Variants in SLC43A2 observed in about 807,000 individuals in gnomAD.
SLC43A2 encodes solute carrier family 43 member 2.
SLC43A2 carries 38 observed loss-of-function variants against 63.2 expected under a neutral mutation model. The observed-to-expected ratio is 0.60, with a 90% confidence interval of 0.46 to 0.79. The LOEUF (loss-of-function observed/expected upper bound fraction) is 0.79, where lower values mean the gene tolerates loss of function less well. SLC43A2 is among the 30% of genes least tolerant of loss of function. The pLI, the probability that SLC43A2 is intolerant of heterozygous loss-of-function variation, is 0.00. For missense variants in SLC43A2, 644 were observed against 756.2 expected, an observed-to-expected ratio of 0.85 and a Z score of 1.74; for synonymous variants, 322 against 331.0, an observed-to-expected ratio of 0.97 and a Z score of 0.30.
chr17:1,586,928 T>TTCCCCCCC, intron 9 of SLC43A2: 5 of 1,232,912 alleles, frequency 4.1e-6, no homozygotes, highest in Admixed American at 2.2e-5. Context: ...TCCCTGACAA[T>TTCCCCCCC]CCCCCCCACC....
Position 1,591,704 on chromosome 17 carries a change from C to T in SLC43A2, c.595-5G>A. On this transcript the variant is annotated splice_region_variant and splice_polypyrimidine_tract_variant and intron_variant, in intron 6 of 13. Transcript: ENST00000301335. ...GACACCAGCATCATAGATGAGCTGA[C>T]AGGCACCGCGGGGACGGGGTGGGGG... The T allele has an allele frequency of 1.4e-6, 2 of 1,428,070 alleles. No homozygotes were observed. The highest frequency in any genetic ancestry group is 2.7e-5 in the South Asian group (2 of 74,544). 88.5% of individuals were successfully genotyped at this position (1,428,070 alleles called of 1,614,324 possible).
chr17:1,593,048 C>G lies in SLC43A2; in HGVS notation c.594+139G>C. On this transcript the variant is annotated intron_variant, in intron 6 of 13. Transcript: ENST00000301335. This position sits in a 1 kb window ranked among gnomAD's most constrained non-coding sequence, Gnocchi z 5.3. The stretch of plus-strand genomic sequence containing the variant: ...GTTTTCATTTGTCGCCCCTGTGATG[C>G]CCAGGTGCATCCTGCCCGGGTGGGG... 1.4e-6 allele frequency: 1 copy of G among 738,648 alleles called. No individual in the cohort carries two copies. Among genetic ancestry groups the G allele is most frequent in the Non-Finnish European group, 2.3e-6 (1 of 435,240 alleles). The allele number at this position is 738,648 out of a possible 1,614,324, so 45.8% of individuals were successfully genotyped here.
In SLC43A2 at chr17:1,585,946, G is replaced by T. The variant is rs529170281; in HGVS notation, c.1184C>A (p.Ala395Asp). Residue 395 changes from alanine (A) to aspartate (D), a missense_variant, in exon 10 of 14, where the codon GCC (alanine) becomes GAC (aspartate). Transcript: ENST00000301335. ...MDWRLKECEDASEEPEEKDAN... is the reference protein window; with the variant it reads ...MDWRLKECEDDSEEPEEKDAN... ...GTCTTTCTCCTCGGGCTCCTCGGAG[G>T]CGTCTTCACACTCCTTCAGCCTCCA... The T allele has an allele frequency of 1.7e-5, 27 of 1,613,704 alleles. No individual in the cohort carries two copies. The Admixed American group carries it at 3.0e-4, about 18-fold the overall frequency.
At chr17:1,629,295 G>A (rs1036689267), upstream of SLC43A2, among the ~76,000 whole-genome samples, 2 of 151,918 alleles carry the variant, frequency 1.3e-5, no homozygotes, top group Non-Finnish European at 2.9e-5. Context: ...GGCTCCGCAC[G>A]GTGGTTCCAC....
chr17:1,600,112 T>A (rs1444819351), intron 5 of SLC43A2, among the ~76,000 whole-genome samples: 2 of 134,126 alleles, frequency 1.5e-5, no homozygotes, highest in Non-Finnish European at 1.6e-5. Context: ...TTTTTTTTTT[T>A]ACAGTAAGCT....
Position 1,569,300 on chromosome 17 carries a change from T to G in SLC43A2, c.*6304A>C, listed in dbSNP as rs988350507. ...CAGCATACATTTATTGAGTGCTCACTGTGTGCCAGGAAGTAAGCCAGGTGC... is the reference window on the plus strand; with the variant it reads ...CAGCATACATTTATTGAGTGCTCACGGTGTGCCAGGAAGTAAGCCAGGTGC... On this transcript the variant is annotated 3_prime_UTR_variant, in exon 14 of 14. Transcript: ENST00000301335. 6.6e-6 allele frequency: 1 copy of G among 152,388 alleles called. No homozygotes were observed. Among genetic ancestry groups the G allele is most frequent in the Admixed American group, 6.5e-5 (1 of 15,288 alleles). 9.4% of individuals were successfully genotyped at this position (152,388 alleles called of 1,614,324 possible).
Position 1,575,002 on chromosome 17 carries a change from A to C in SLC43A2, c.*602T>G. On this transcript the variant is annotated 3_prime_UTR_variant, in exon 14 of 14. Coordinates refer to ENST00000301335, the MANE Select transcript of SLC43A2 (RefSeq NM_152346.3). The stretch of plus-strand genomic sequence containing the variant: ...CAGCCCGCTAAACCCTCTCCAGGGC[A>C]TAAGCCAGGTGGGGCTTCTCCACCG... 6.3e-6 allele frequency: 1 copy of C among 158,862 alleles called. No homozygotes were observed. The highest frequency in any genetic ancestry group is 1.4e-5 in the Non-Finnish European group (1 of 71,250). 9.8% of individuals were successfully genotyped at this position (158,862 alleles called of 1,614,324 possible).
intron 13 of SLC43A2, 113 bp from the exon 14 acceptor site, chr17:1,575,878 A>T (rs1285955647): frequency 9.1e-5 from 112 of 1,236,784 alleles, no homozygotes; most frequent in Non-Finnish European, 5.0e-5. Context: ...GGAAGGGGGA[A>T]CGAAACAGGA....
intron 5 of SLC43A2, among the ~76,000 whole-genome samples, chr17:1,610,806 C>A (rs1214541022): frequency 1.3e-5 from 2 of 150,558 alleles, no homozygotes; most frequent in Admixed American, 1.3e-4. Flanking sequence ...CCTATTAGCT[C>A]CAACCGCAGG....
intron 4 of SLC43A2, among the ~76,000 whole-genome samples, chr17:1,614,372 C>G (rs1907398353): frequency 6.6e-6 from 1 of 151,962 alleles, no homozygotes. Context: ...GACTGCACCA[C>G]TGCACTCCAG....
At chr17:1,615,726 C>T (rs1221699793) in intron 3 of SLC43A2, among the ~76,000 whole-genome samples, 3 of 148,634 alleles carry the variant, frequency 2.0e-5, no homozygotes, top group African/African-American at 7.4e-5. Flanking sequence ...GCCTGTGGTC[C>T]CAGCTACTCG....
Position 1,613,266 on chromosome 17 carries a change from A to C in SLC43A2, c.430T>G (p.Ser144Ala). Residue 144 changes from serine (S) to alanine (A), a missense_variant, in exon 5 of 14, where the codon TCC becomes GCC. Ser to Ala is a moderately conservative substitution (Grantham distance 99, BLOSUM62 1). This residue lies in a region of SLC43A2 where 528 missense variants were observed against 623.6 expected (regional missense o/e 0.85). Transcript: ENST00000301335. ...AYGASKPNAL[S>A]VLIFIALALN... ...GCCAGGGCGATGAAGATGAGCACGG[A>C]GAGAGCTGCAGGGACATGGAAAGCT... is the stretch of plus-strand genomic sequence containing the variant. 2 of 1,614,122 alleles carry C rather than the reference A, an allele frequency of 1.2e-6. No homozygotes were observed. Among genetic ancestry groups the C allele is most frequent in the Non-Finnish European group, 1.7e-6 (2 of 1,180,010 alleles).
At position 1,605,500 on chromosome 17, in the gene SLC43A2, G is replaced by A. The variant is rs996007859; in HGVS notation, c.501+7695C>T. Among the ~76,000 whole-genome samples the A allele has an allele frequency of 1.3e-5, 2 of 151,976 alleles. No homozygotes were observed. Among genetic ancestry groups the A allele is most frequent in the African/African-American group, 2.4e-5 (1 of 41,410 alleles). On this transcript the variant is annotated intron_variant, in intron 5 of 13. Coordinates refer to ENST00000301335, the MANE Select transcript of SLC43A2 (RefSeq NM_152346.3). This position sits in a 1 kb window ranked among gnomAD's most constrained non-coding sequence, Gnocchi z 4.9. Reference sequence around the variant, plus strand: ...AACAAGGGGCAACCGTGGCACCCCCGGCCCTGACTTTCCACATCCACGGAC... The same window carrying A: ...AACAAGGGGCAACCGTGGCACCCCCAGCCCTGACTTTCCACATCCACGGAC...
chr17:1,585,417 T>A lies in SLC43A2; in HGVS notation c.1217+496A>T, dbSNP rs958007910. 2.1e-4 allele frequency: 70 copies of A among 331,384 alleles called. 2 individuals are homozygous for A. The highest frequency in any genetic ancestry group is 1.8e-3 in the South Asian group (49 of 26,620). The allele number at this position is 331,384 out of a possible 1,614,324, so 20.5% of individuals were successfully genotyped here. A position where few individuals can be genotyped will look rare whatever the true frequency, so the allele number is the denominator to read the frequency against. On this transcript the variant is annotated intron_variant, in intron 10 of 13. Transcript: ENST00000301335. Reference sequence around the variant, plus strand: ...CCGCCACCGCACCTGGCTAATTTTTTGTATTTTTAGTAGAGACCGGGTTTT... The same window carrying A: ...CCGCCACCGCACCTGGCTAATTTTTAGTATTTTTAGTAGAGACCGGGTTTT...
At chr17:1,625,032 C>CA (rs1185144723) in intron 2 of SLC43A2, among the ~76,000 whole-genome samples, 1 of 152,180 alleles carries the variant, frequency 6.6e-6, no homozygotes, top group Non-Finnish European at 1.5e-5. Flanking sequence ...TCCCAGAGGC[C>CA]AAGAGGACAC....
intron 2 of SLC43A2, among the ~76,000 whole-genome samples, chr17:1,619,233 C>T (rs1244711627): frequency 1.3e-5 from 2 of 149,690 alleles, no homozygotes; most frequent in Admixed American, 6.7e-5. Flanking sequence ...AGCCGGGAGG[C>T]GGAGGTTGTG....
chr17:1,586,928 T>TTGGCCCCCCC, intron 9 of SLC43A2: 1 of 1,232,908 alleles, frequency 8.1e-7, no homozygotes, highest in Non-Finnish European at 1.1e-6. Context: ...TCCCTGACAA[T>TTGGCCCCCCC]CCCCCCCACC....
intron 5 of SLC43A2, among the ~76,000 whole-genome samples, chr17:1,599,114 T>C (rs1411226745): frequency 1.3e-5 from 2 of 152,116 alleles, no homozygotes; most frequent in Non-Finnish European, 2.9e-5. Context: ...TTTGGGAGGC[T>C]GAGGTGGGCG....
In SLC43A2 at chr17:1,590,965, C is replaced by A; in HGVS notation, c.932-17G>T. ...AGGGGGCCACTGCAGGGAGAGGGTG[C>A]GGGGCTCAGGGCCGGGGCACACTGT... On this transcript the variant is annotated splice_polypyrimidine_tract_variant and intron_variant, in intron 8 of 13. Coordinates refer to ENST00000301335, the MANE Select transcript of SLC43A2 (RefSeq NM_152346.3). 4 of 1,548,410 alleles carry A rather than the reference C, an allele frequency of 2.6e-6. No individual in the cohort carries two copies. Among genetic ancestry groups the A allele is most frequent in the Non-Finnish European group, 3.5e-6 (4 of 1,146,594 alleles).
Sources: gnomAD v4.1 joint callset for allele counts (sites outside exome capture counted in the v4.1 genomes callset) on GRCh38, gnomAD v4.1.1 for gene constraint, gnomAD v4.1.1 regional missense constraint, Gnocchi (gnomAD v3.1) non-coding constraint, MANE v1.5 for transcripts, NCBI Gene and HGNC (gene_info 2026-07-23, HGNC 2026-07-21) for gene names.